RNF115: variants seen among roughly 807,000 people sequenced by gnomAD.
The protein encoded by RNF115 is ring finger protein 115.
In RNF115, 31 loss-of-function variants were observed where a neutral mutation model predicts 39.2. That is an observed-to-expected ratio of 0.79 (90% confidence interval 0.59 to 1.07). The LOEUF (loss-of-function observed/expected upper bound fraction) is 1.07, where lower values mean the gene tolerates loss of function less well. Among genes scored for constraint, RNF115 ranks in the 50% least tolerant of loss-of-function variants. RNF115 has a pLI of 0.00. For missense variants in RNF115, 384 were observed against 381.7 expected (o/e 1.01, Z -0.05); for synonymous variants, 124 against 131.0 (o/e 0.95, Z 0.37).
At chr1:145,762,618 CTA>C (rs1658576510) in intron 4 of RNF115, among the ~76,000 whole-genome samples, 1 of 151,854 alleles carries the variant, frequency 6.6e-6, no homozygotes, top group Admixed American at 6.6e-5. Flanking sequence ...CAAGGTGTAA[CTA>C]TGGCTATTTC....
At chr1:145,749,813 G>A (rs1482505910) in intron 7 of RNF115, among the ~76,000 whole-genome samples, 1 of 152,098 alleles carries the variant, frequency 6.6e-6, no homozygotes, top group Non-Finnish European at 1.5e-5. Flanking sequence ...TCCTTAAATA[G>A]AATGACCTAA....
chr1:145,755,257 G>T (rs138802371), intron 4 of RNF115, among the ~76,000 whole-genome samples: 4 of 150,994 alleles, frequency 2.6e-5, no homozygotes, highest in Admixed American at 1.3e-4. Context: ...AAGGTGGGGG[G>T]CGGGGGGCAG....
chr1:145,803,677 C>T (rs1245343234), intron 1 of RNF115, among the ~76,000 whole-genome samples: 4 of 152,146 alleles, frequency 2.6e-5, no homozygotes, highest in African/African-American at 7.2e-5. Context: ...CGTGAGCCAC[C>T]GCACCCAGCC....
At chr1:145,796,317 A>G (rs1553720019) in intron 1 of RNF115, among the ~76,000 whole-genome samples, 1 of 152,212 alleles carries the variant, frequency 6.6e-6, no homozygotes, top group African/African-American at 2.4e-5. Flanking sequence ...CAGAAATAAA[A>G]TAAGATTGTT....
At chr1:145,780,451 T>C (rs1648086324) in intron 3 of RNF115, among the ~76,000 whole-genome samples, 1 of 151,564 alleles carries the variant, frequency 6.6e-6, no homozygotes, top group South Asian at 2.1e-4. Flanking sequence ...AAACCCCGTC[T>C]CTACTAAAAA....
intron 1 of RNF115, among the ~76,000 whole-genome samples, chr1:145,811,277 T>G (rs1649679076): frequency 1.3e-5 from 2 of 150,712 alleles, no homozygotes; most frequent in African/African-American, 4.9e-5. Flanking sequence ...ATCTCAGCAC[T>G]TTGGGAGGCC....
At chr1:145,791,699 T>C (rs181680405) in intron 1 of RNF115, among the ~76,000 whole-genome samples, 369 of 152,292 alleles carry the variant, frequency 2.4e-3, no homozygotes, top group African/African-American at 8.4e-3. Context: ...AACAATTCCA[T>C]TAATTCAATT....
intron 4 of RNF115, among the ~76,000 whole-genome samples, chr1:145,770,904 T>C (rs1647608307): frequency 6.6e-6 from 1 of 152,228 alleles, no homozygotes; most frequent in African/African-American, 2.4e-5. Context: ...CAAACATTTA[T>C]TACATGAATG....
rs923603848 is a variant in RNF115, at chr1:145,774,071, T to C, written c.220-2152A>G. 5.9e-5 allele frequency among the ~76,000 whole-genome samples: 9 copies of C among 152,168 alleles called. 1 individual carries two copies. The highest frequency in any genetic ancestry group is 2.2e-4 in the African/African-American group (9 of 41,452). ...GTATTTGCTTGGCTGCTGTAAACCT[T>C]TGATTACCTTTCCAGAGTTTTGATA... On this transcript the variant is annotated intron_variant, in intron 3 of 8. Transcript: ENST00000582693.
intron 7 of RNF115, among the ~76,000 whole-genome samples, chr1:145,748,588 G>A (rs587668036): frequency 9.2e-5 from 14 of 152,210 alleles, no homozygotes; most frequent in African/African-American, 3.1e-4. Context: ...TTCAGCATGG[G>A]ATGAAGCATC....
At chr1:145,780,373 C>A (rs1483948617) in intron 3 of RNF115, among the ~76,000 whole-genome samples, 3 of 152,112 alleles carry the variant, frequency 2.0e-5, no homozygotes, top group Non-Finnish European at 4.4e-5. Flanking sequence ...GTAATCCCAG[C>A]ACTTTGGGAG....
chr1:145,757,145 T>C (rs1364713129), intron 4 of RNF115, among the ~76,000 whole-genome samples: 1 of 152,076 alleles, frequency 6.6e-6, no homozygotes, highest in Non-Finnish European at 1.5e-5. Context: ...CAAATTTCTC[T>C]CCTTATAAGA....
chr1:145,802,067 C>T (rs1303227998), intron 1 of RNF115, among the ~76,000 whole-genome samples: 4 of 152,246 alleles, frequency 2.6e-5, no homozygotes, highest in Non-Finnish European at 2.9e-5. Context: ...GGATTACAGG[C>T]GTGAGCCACC....
intron 1 of RNF115, among the ~76,000 whole-genome samples, chr1:145,802,064 A>C (rs1002489226): frequency 5.3e-5 from 8 of 152,226 alleles, no homozygotes; most frequent in African/African-American, 1.4e-4. Context: ...CTGGGATTAC[A>C]GGCGTGAGCC....
intron 4 of RNF115, among the ~76,000 whole-genome samples, chr1:145,765,952 C>A (rs1647239366): frequency 6.6e-6 from 1 of 151,720 alleles, no homozygotes; most frequent in Admixed American, 6.6e-5. Flanking sequence ...CCCACAAAGG[C>A]TAATCTCTGA....
intron 1 of RNF115, among the ~76,000 whole-genome samples, chr1:145,800,369 G>A (rs1649173799): frequency 6.6e-6 from 1 of 152,152 alleles, no homozygotes; most frequent in Admixed American, 6.6e-5. Context: ...TGGCCTTCCA[G>A]AGACAGCCCC....
chr1:145,739,577 GA>G lies in RNF115; in HGVS notation c.*7288del. The G allele has an allele frequency of 7.4e-6, 1 of 134,456 alleles. No individual in the cohort carries two copies. Among genetic ancestry groups the G allele is most frequent in the Non-Finnish European group, 1.5e-5 (1 of 65,908 alleles). 8.3% of individuals were successfully genotyped at this position (134,456 alleles called of 1,614,324 possible). ...ACCAGCTATTTGTCATTGGGCAAATGAATTTTTTTTTTTTTTTTTTGAGACG... is the reference window on the plus strand; with the variant it reads ...ACCAGCTATTTGTCATTGGGCAAATGATTTTTTTTTTTTTTTTTTGAGACG... On this transcript the variant is annotated 3_prime_UTR_variant, in exon 9 of 9. Coordinates refer to ENST00000582693, the MANE Select transcript of RNF115 (RefSeq NM_014455.4).
rs764752010 is a variant in RNF115 at position 145,763,227 on chromosome 1, A to C, written c.428+8484T>G. Among the ~76,000 whole-genome samples, 154 of 152,282 alleles carry C rather than the reference A, an allele frequency of 1.0e-3. 1 individual carries two copies. Among genetic ancestry groups the C allele is most frequent in the Non-Finnish European group, 5.6e-4 (38 of 68,014 alleles). On this transcript the variant is annotated intron_variant, in intron 4 of 8. Transcript: ENST00000582693. ...CCCCGAATCTAAAATAAAAATAATA[A>C]ATTTTTAAAAGAACGTATTATTTAG...
chr1:145,766,606 G>A (rs1285046313), intron 4 of RNF115, among the ~76,000 whole-genome samples: 23 of 150,836 alleles, frequency 1.5e-4, no homozygotes, highest in African/African-American at 4.9e-4. Flanking sequence ...CGGACGGGGC[G>A]GCTGGCCGGG....
Sources: gnomAD v4.1 joint callset for allele counts (sites outside exome capture counted in the v4.1 genomes callset) on GRCh38, gnomAD v4.1.1 for gene constraint, MANE v1.5 for transcripts, NCBI Gene and HGNC (gene_info 2026-07-23, HGNC 2026-07-21) for gene names.